LUZP2: variants seen among roughly 807,000 people sequenced by gnomAD.
LUZP2 encodes leucine zipper protein 2.
LUZP2 carries 52 observed loss-of-function variants against 51.6 expected under a neutral mutation model. The observed-to-expected ratio is 1.01, with a 90% CI of 0.81 to 1.27. The LOEUF is 1.27. Among genes scored for constraint, LUZP2 ranks in the 50% most tolerant of loss-of-function variants. The probability of loss-of-function intolerance (pLI) is 0.00; values close to 1 mark genes in which losing one functional copy is unlikely to be tolerated. For missense variants in LUZP2, 436 were observed against 395.4 expected, an observed-to-expected ratio of 1.10 and a Z score of -0.87; for synonymous variants, 154 against 137.3, an observed-to-expected ratio of 1.12 and a Z score of -0.85.
At chr11:24,535,258 A>AGGTTGGGGT (rs1257893001) in intron 1 of LUZP2, among the ~76,000 whole-genome samples, 1 of 151,594 alleles carries the variant, frequency 6.6e-6, no homozygotes, top group African/African-American at 2.4e-5. Context: ...TGATTGCTAA[A>AGGTTGGGGT]GGTTGGGGTA....
intron 1 of LUZP2, among the ~76,000 whole-genome samples, chr11:24,608,759 T>C (rs1020101651): frequency 2.6e-5 from 4 of 152,208 alleles, no homozygotes; most frequent in African/African-American, 9.6e-5. Flanking sequence ...ATACAAACTA[T>C]AGACTTAAAT....
At chr11:24,882,162 A>C (rs914305651) in intron 5 of LUZP2, among the ~76,000 whole-genome samples, 1 of 152,112 alleles carries the variant, frequency 6.6e-6, no homozygotes, top group East Asian at 1.9e-4. Context: ...TCACTTCTCA[A>C]TGAATACATA....
chr11:24,527,565 T>TCACACACA (rs1487134915), intron 1 of LUZP2, among the ~76,000 whole-genome samples: 3 of 124,696 alleles, frequency 2.4e-5, no homozygotes, highest in Non-Finnish European at 3.6e-5. Context: ...TCTCTCTCTC[T>TCACACACA]CTCACACACA....
chr11:24,692,095 T>C (rs1320988729), intron 1 of LUZP2, among the ~76,000 whole-genome samples: 1 of 152,080 alleles, frequency 6.6e-6, no homozygotes, highest in Non-Finnish European at 1.5e-5. Context: ...TTTTACGTTT[T>C]TTTTTTCTAT....
At chr11:24,850,421 A>G (rs1482942387) in intron 5 of LUZP2, among the ~76,000 whole-genome samples, 3 of 152,118 alleles carry the variant, frequency 2.0e-5, no homozygotes, top group Admixed American at 2.0e-4. Context: ...TTTGTCAAAG[A>G]TCAGGCAGTT....
At chr11:24,808,189 T>C (rs1369491414) in intron 5 of LUZP2, among the ~76,000 whole-genome samples, 1 of 152,208 alleles carries the variant, frequency 6.6e-6, no homozygotes, top group Non-Finnish European at 1.5e-5. Flanking sequence ...AAATAATTAA[T>C]GTAAGCGGAT....
In LUZP2 at chr11:25,079,955, T is replaced by C. The variant is rs1273985558; in HGVS notation, c.*1297T>C. The C allele has an allele frequency of 6.6e-6, 1 of 152,174 alleles. No homozygotes were observed. Among genetic ancestry groups the C allele is most frequent in the Non-Finnish European group, 1.5e-5 (1 of 68,024 alleles). The allele number at this position is 152,174 out of a possible 1,614,324, so 9.4% of individuals were successfully genotyped here. A position where few individuals can be genotyped will look rare whatever the true frequency, so the allele number is the denominator to read the frequency against. ...TTAATCAATAAATGAACTTAGATTC[T>C]GAGATTTAATGGCATACCTCTGATC... On this transcript the variant is annotated 3_prime_UTR_variant, in exon 12 of 12. Coordinates refer to ENST00000336930, the MANE Select transcript of LUZP2 (RefSeq NM_001009909.4).
At chr11:24,749,804 G>T (rs1362370801) in intron 4 of LUZP2, among the ~76,000 whole-genome samples, 1 of 152,092 alleles carries the variant, frequency 6.6e-6, no homozygotes, top group East Asian at 1.9e-4. Context: ...CCAGTGGTTT[G>T]CCAGGGGCTC....
At chr11:25,031,007 ATATATATATTTT>A (rs1565255308) in intron 9 of LUZP2, among the ~76,000 whole-genome samples, 12 of 3,228 alleles carry the variant, frequency 3.7e-3, no homozygotes, top group Admixed American at 7.7e-3. Flanking sequence ...ATATATATAT[ATATATATATTTT>A]TTTTTTTTTT....
chr11:24,960,361 C>T (rs576116030), intron 7 of LUZP2, among the ~76,000 whole-genome samples: 1 of 152,242 alleles, frequency 6.6e-6, no homozygotes, highest in Non-Finnish European at 1.5e-5. Flanking sequence ...TAGAATTTGG[C>T]TGTGAATCCA....
chr11:24,674,242 G>A (rs1856479600), intron 1 of LUZP2, among the ~76,000 whole-genome samples: 1 of 152,120 alleles, frequency 6.6e-6, no homozygotes, highest in African/African-American at 2.4e-5. Context: ...CCTGTCATGT[G>A]TCCAGGCTCT....
intron 10 of LUZP2, among the ~76,000 whole-genome samples, chr11:25,064,139 A>G (rs571057253): frequency 1.3e-5 from 2 of 152,216 alleles, no homozygotes; most frequent in Admixed American, 1.3e-4. Context: ...TTTTCAATTC[A>G]CATACCATAT....
chr11:24,595,480 A>T (rs1447063188), intron 1 of LUZP2, among the ~76,000 whole-genome samples: 1 of 152,204 alleles, frequency 6.6e-6, no homozygotes, highest in East Asian at 1.9e-4. Context: ...TCTATGAGAA[A>T]TCAGGACTGG....
intron 1 of LUZP2, among the ~76,000 whole-genome samples, chr11:24,519,233 C>A (rs1850566256): frequency 6.6e-6 from 1 of 152,088 alleles, no homozygotes; most frequent in South Asian, 2.1e-4. Flanking sequence ...TCTACTTTGA[C>A]TTCAGACCAT....
chr11:24,791,536 A>G (rs1590534569), intron 5 of LUZP2, among the ~76,000 whole-genome samples: 1 of 149,660 alleles, frequency 6.7e-6, no homozygotes, highest in South Asian at 2.1e-4. Flanking sequence ...GGTTTATGAG[A>G]GTTTAAAAGC....
At chr11:24,630,247 A>C (rs949183191) in intron 1 of LUZP2, among the ~76,000 whole-genome samples, 1 of 151,924 alleles carries the variant, frequency 6.6e-6, no homozygotes, top group Admixed American at 6.6e-5. Context: ...TTCAGGTCTT[A>C]GTCATTAATT....
intron 7 of LUZP2, among the ~76,000 whole-genome samples, chr11:24,926,323 GTGTGTA>G (rs1428832943): frequency 1.1e-5 from 1 of 90,848 alleles, no homozygotes; most frequent in African/African-American, 5.4e-5. Flanking sequence ...ATATATACGT[GTGTGTA>G]TATATATATA....
At chr11:24,568,623 T>C (rs9943629) in intron 1 of LUZP2, among the ~76,000 whole-genome samples, 1 of 151,536 alleles carries the variant, frequency 6.6e-6, no homozygotes, top group Admixed American at 6.6e-5. Flanking sequence ...AAAATAAGAA[T>C]AGGAAAATTA....
At chr11:24,890,808 T>C (rs1852827681) in intron 5 of LUZP2, 1 of 636,398 alleles carries the variant, frequency 1.6e-6, no homozygotes. Context: ...TACATATTTA[T>C]ATGAATATGC....
Sources: allele counts gnomAD v4.1 joint callset (sites outside exome capture counted in the v4.1 genomes callset), GRCh38; gene constraint gnomAD v4.1.1; transcripts MANE v1.5; gene names NCBI Gene and HGNC (gene_info 2026-07-23, HGNC 2026-07-21).